The following PREP variants were observed in gnomAD, a reference collection of about 807,000 sequenced individuals.
The protein encoded by PREP is dJ355L5.1 (prolyl endopeptidase).
Under a neutral mutation model 87.6 loss-of-function variants are expected in PREP, and 29 were observed. That is an observed-to-expected ratio of 0.33 (90% CI 0.25 to 0.45). The LOEUF (loss-of-function observed/expected upper bound fraction) is 0.45. Ranked by LOEUF, PREP falls within the 20% of genes least tolerant of loss-of-function variation. The pLI is 1.00. For missense variants in PREP, 695 were observed against 886.5 expected, an observed-to-expected ratio of 0.78 and a Z score of 2.74; for synonymous variants, 337 against 328.6, an observed-to-expected ratio of 1.03 and a Z score of -0.28.
intron 8 of PREP, among the ~76,000 whole-genome samples, chr6:105,330,487 G>C (rs1771298325): frequency 6.6e-6 from 1 of 152,210 alleles, no homozygotes; most frequent in Admixed American, 6.5e-5. Flanking sequence ...TTCAGTGACA[G>C]AGCTGGGAGA....
At chr6:105,371,945 T>G (rs1438988713) in intron 5 of PREP, among the ~76,000 whole-genome samples, 3 of 152,234 alleles carry the variant, frequency 2.0e-5, no homozygotes, top group Non-Finnish European at 4.4e-5. Context: ...GTTATACTTT[T>G]TTTGTTTCCC....
chr6:105,289,673 A>G (rs1770254378), intron 10 of PREP, among the ~76,000 whole-genome samples: 1 of 152,242 alleles, frequency 6.6e-6, no homozygotes, highest in Admixed American at 6.5e-5. Flanking sequence ...GATAAGCCAT[A>G]GAATAAATAA....
chr6:105,399,359 T>A (rs140766949), intron 1 of PREP, among the ~76,000 whole-genome samples: 1 of 152,278 alleles, frequency 6.6e-6, no homozygotes, highest in African/African-American at 2.4e-5. Flanking sequence ...GTGAGAACAA[T>A]CTCCTTGGCC....
At chr6:105,311,644 A>G (rs1424177152) in intron 10 of PREP, among the ~76,000 whole-genome samples, 5 of 152,228 alleles carry the variant, frequency 3.3e-5, no homozygotes, top group African/African-American at 1.2e-4. Context: ...TATTTCTCAT[A>G]AGGGCAAAGA....
chr6:105,298,215 T>A lies in PREP; in HGVS notation c.1318-9321A>T, dbSNP rs377225419. On this transcript the variant is annotated intron_variant, in intron 10 of 14. Transcript: ENST00000652536. ...GAATCACCTGAGAGAGACCCAGAAATGTTGGCACTTGCAGGACATCTGGCC... is the reference window on the plus strand; with the variant it reads ...GAATCACCTGAGAGAGACCCAGAAAAGTTGGCACTTGCAGGACATCTGGCC... The A allele has an allele frequency of 2.6e-5, 4 of 152,152 alleles. No individual in the cohort carries two copies. In the East Asian group the frequency reaches 7.7e-4, roughly 29 times the overall value. The allele number at this position is 152,152 out of a possible 1,614,324, so 9.4% of individuals were successfully genotyped here.
intron 8 of PREP, among the ~76,000 whole-genome samples, chr6:105,331,671 G>T (rs1194260929): frequency 6.6e-6 from 1 of 152,120 alleles, no homozygotes; most frequent in Non-Finnish European, 1.5e-5. Context: ...CCTCAGTTTG[G>T]ACAGAAGCCA....
chr6:105,390,452 A>T (rs376743889), intron 2 of PREP, among the ~76,000 whole-genome samples: 1 of 152,224 alleles, frequency 6.6e-6, no homozygotes, highest in Non-Finnish European at 1.5e-5. Context: ...GCACTCAGGG[A>T]GAATAAGAAG....
chr6:105,394,953 T>C (rs1474336416), intron 2 of PREP, among the ~76,000 whole-genome samples: 1 of 151,892 alleles, frequency 6.6e-6, no homozygotes, highest in African/African-American at 2.4e-5. Context: ...TTTGGGACAT[T>C]TGGGACATTA....
chr6:105,314,259 A>G (rs139100955), intron 10 of PREP, among the ~76,000 whole-genome samples: 1 of 152,228 alleles, frequency 6.6e-6, no homozygotes, highest in East Asian at 1.9e-4. Context: ...GATGATTGGG[A>G]TGGTGGTTGC....
intron 2 of PREP, among the ~76,000 whole-genome samples, chr6:105,385,065 T>C (rs1323748578): frequency 6.6e-6 from 1 of 152,088 alleles, no homozygotes; most frequent in African/African-American, 2.4e-5. Flanking sequence ...GAGATGAGAC[T>C]GGATGACCAT....
Position 105,276,200 on chromosome 6 carries a change from CA to C in PREP, c.*1943del, listed in dbSNP as rs1158473968. ...TAGTTGTCCTGTGAAAATCTAGACACAAAAATTAGGTTGGAAAAGAGAACTC... is the reference window on the plus strand; with the variant it reads ...TAGTTGTCCTGTGAAAATCTAGACACAAAATTAGGTTGGAAAAGAGAACTC... On this transcript the variant is annotated 3_prime_UTR_variant, in exon 15 of 15. Transcript: ENST00000652536. Among the ~76,000 whole-genome samples the C allele has an allele frequency of 1.3e-5, 2 of 152,150 alleles. No homozygotes were observed. Among genetic ancestry groups the C allele is most frequent in the Admixed American group, 1.3e-4 (2 of 15,276 alleles).
chr6:105,277,161 CTT>C lies in PREP; in HGVS notation c.*981_*982del, dbSNP rs199929615. Among the ~76,000 whole-genome samples the C allele has an allele frequency of 1.4e-4, 19 of 134,156 alleles. No individual in the cohort carries two copies. The highest frequency in any genetic ancestry group is 1.5e-4 in the Admixed American group (2 of 13,704). 88.0% of individuals were successfully genotyped at this position (134,156 alleles called of 152,430 possible). On this transcript the variant is annotated 3_prime_UTR_variant, in exon 15 of 15. Transcript: ENST00000652536. The stretch of plus-strand genomic sequence containing the variant: ...AATCTTGGGGGTGGGCAAACCAAAA[CTT>C]TTTTTTTTTTTTTTCCAGTAAGTAA...
intron 2 of PREP, among the ~76,000 whole-genome samples, chr6:105,378,242 T>C (rs1367233703): frequency 3.9e-5 from 6 of 152,308 alleles, no homozygotes; most frequent in African/African-American, 1.4e-4. Flanking sequence ...GTGGATCACT[T>C]GAGGCCAGAA....
At chr6:105,356,723 C>A (rs1772108651) in intron 6 of PREP, among the ~76,000 whole-genome samples, 1 of 152,168 alleles carries the variant, frequency 6.6e-6, no homozygotes, top group Admixed American at 6.5e-5. Flanking sequence ...GCCTATTGAT[C>A]AATATCTGAA....
At chr6:105,395,285 G>C (rs960488596) in intron 2 of PREP, among the ~76,000 whole-genome samples, 1 of 152,140 alleles carries the variant, frequency 6.6e-6, no homozygotes, top group Non-Finnish European at 1.5e-5. Context: ...CCTTTAGCTC[G>C]CATCTGCAAA....
chr6:105,363,574 T>C (rs890101327), intron 6 of PREP, among the ~76,000 whole-genome samples: 1 of 152,128 alleles, frequency 6.6e-6, no homozygotes, highest in Non-Finnish European at 1.5e-5. Context: ...GAGCCCAGCA[T>C]TTTGGACATG....
At chr6:105,349,138 G>A (rs754813266) in intron 7 of PREP, among the ~76,000 whole-genome samples, 33 of 152,152 alleles carry the variant, frequency 2.2e-4, no homozygotes, top group Non-Finnish European at 4.0e-4. Context: ...TACCTGTTCA[G>A]AAAAGGTAAG....
intron 7 of PREP, among the ~76,000 whole-genome samples, chr6:105,344,092 T>C (rs960332761): frequency 3.9e-5 from 6 of 152,236 alleles, no homozygotes; most frequent in Non-Finnish European, 8.8e-5. Flanking sequence ...TGCGGCACTA[T>C]TCACAATAGC....
chr6:105,353,771 C>CAAAAA (rs397824826), intron 6 of PREP, among the ~76,000 whole-genome samples: 52 of 70,992 alleles, frequency 7.3e-4, no homozygotes, highest in Non-Finnish European at 1.0e-3. Context: ...GACTCCATCT[C>CAAAAA]AAAAAAAAAA....
Sources: allele counts gnomAD v4.1 joint callset (sites outside exome capture counted in the v4.1 genomes callset), GRCh38; gene constraint gnomAD v4.1.1; transcripts MANE v1.5; gene names NCBI Gene and HGNC (gene_info 2026-07-23, HGNC 2026-07-21).